The following PRKX variants were observed in gnomAD, a reference collection of about 807,000 sequenced individuals.
The protein encoded by PRKX is protein kinase cAMP-dependent X-linked catalytic subunit.
Under a neutral mutation model 22.0 loss-of-function variants are expected in PRKX, and 12 were observed. The ratio of observed to expected loss-of-function variants is 0.54; its 90% CI spans 0.35 to 0.88. The LOEUF (loss-of-function observed/expected upper bound fraction) is 0.88. Among genes scored for constraint, PRKX ranks in the 40% least tolerant of loss-of-function variants. The pLI is 0.01. For missense variants in PRKX, 217 were observed against 308.0 expected (o/e 0.70, Z 2.21); for synonymous variants, 134 against 137.7 (o/e 0.97, Z 0.19).
intron 6 of PRKX, among the ~76,000 whole-genome samples, chrX:3,620,967 A>G (rs1020944925): frequency 9.0e-6 from 1 of 111,592 alleles, no homozygotes; most frequent in Non-Finnish European, 1.9e-5. Context: ...AAACAAAATA[A>G]TGAGTAATAA....
chrX:3,660,821 C>T (rs1927579272), intron 2 of PRKX, among the ~76,000 whole-genome samples: 1 of 110,608 alleles, frequency 9.0e-6, no homozygotes, highest in Non-Finnish European at 1.9e-5. Context: ...CAATTTCAAC[C>T]ATGGGTAGGA....
chrX:3,658,998 C>T (rs1486214924), intron 2 of PRKX, among the ~76,000 whole-genome samples: 1 of 111,456 alleles, frequency 9.0e-6, no homozygotes, highest in Non-Finnish European at 1.9e-5. Context: ...GGCACGGCGG[C>T]TCAATGCCTG....
At chrX:3,631,771 AC>A (rs769971993) in intron 4 of PRKX, among the ~76,000 whole-genome samples, 1 of 111,921 alleles carries the variant, frequency 8.9e-6, no homozygotes, top group East Asian at 2.8e-4. Flanking sequence ...TGATGTGGCC[AC>A]AAGCCCAGGG....
Position 3,674,591 on chromosome X carries a change from G to C in PRKX, c.335+7C>G, listed in dbSNP as rs749366127. 3 of 1,208,368 alleles carry C rather than the reference G, an allele frequency of 2.5e-6. No homozygotes were observed. Among genetic ancestry groups the C allele is most frequent in the Admixed American group, 2.2e-5 (1 of 45,624 alleles). On this transcript the variant is annotated splice_region_variant and intron_variant, in intron 2 of 8. Transcript: ENST00000262848. Reference sequence around the variant, plus strand: ...TGCGTGGGGAGAGGCTTCAGGAGGGGACTCACAGCCTGATGAGGAACGGGT... The same window carrying C: ...TGCGTGGGGAGAGGCTTCAGGAGGGCACTCACAGCCTGATGAGGAACGGGT...
chrX:3,693,765 G>A (rs891530126), intron 1 of PRKX, among the ~76,000 whole-genome samples: 4 of 108,031 alleles, frequency 3.7e-5, no homozygotes, highest in Non-Finnish European at 5.7e-5. Flanking sequence ...GTGAAACCGC[G>A]TCTCTACTAA....
intron 1 of PRKX, among the ~76,000 whole-genome samples, chrX:3,685,525 A>G (rs1928160612): frequency 9.0e-6 from 1 of 111,413 alleles, no homozygotes; most frequent in African/African-American, 3.3e-5. Context: ...CAGAAAGCAC[A>G]TCACACAGAA....
chrX:3,689,789 A>AAC (rs1183592517), intron 1 of PRKX, among the ~76,000 whole-genome samples: 2 of 111,711 alleles, frequency 1.8e-5, no homozygotes, highest in Non-Finnish European at 3.8e-5. Flanking sequence ...CATCCTGGCT[A>AAC]ACACGGTGAA....
At chrX:3,686,891 C>A (rs978325432) in intron 1 of PRKX, among the ~76,000 whole-genome samples, 3 of 112,192 alleles carry the variant, frequency 2.7e-5, no homozygotes, top group African/African-American at 9.7e-5. Context: ...ATACGCACAA[C>A]ATAAAATTTA....
chrX:3,648,978 C>T lies in PRKX; in HGVS notation c.599+6171G>A, dbSNP rs151072468. ...GCAGAGAAATAAAAAACACCAAAAA[C>T]AAACAAAAAAGAGCTGTTGCAGAGA... On this transcript the variant is annotated intron_variant, in intron 3 of 8. Transcript: ENST00000262848. 8.2e-3 allele frequency among the ~76,000 whole-genome samples: 912 copies of T among 110,741 alleles called. 12 individuals carry two copies. Among genetic ancestry groups the T allele is most frequent in the African/African-American group, 0.029 (865 of 30,289 alleles).
intron 4 of PRKX, among the ~76,000 whole-genome samples, chrX:3,638,093 TATTAC>T (rs1159529581): frequency 1.8e-5 from 2 of 111,662 alleles, no homozygotes; most frequent in African/African-American, 3.2e-5. Flanking sequence ...CCTAATGATT[TATTAC>T]ATTACAATTA....
intron 4 of PRKX, among the ~76,000 whole-genome samples, chrX:3,627,998 T>G (rs1926696647): frequency 9.0e-6 from 1 of 111,329 alleles, no homozygotes; most frequent in Admixed American, 9.6e-5. Flanking sequence ...AGCGTAGATG[T>G]CCATCAACAG....
chrX:3,639,601 T>A (rs1165997915), intron 4 of PRKX, among the ~76,000 whole-genome samples: 1 of 104,682 alleles, frequency 9.6e-6, no homozygotes, highest in African/African-American at 3.5e-5. Context: ...GAAAAGTATA[T>A]AAACATAGAT....
At chrX:3,651,564 T>C (rs1293381361) in intron 3 of PRKX, among the ~76,000 whole-genome samples, 1 of 111,624 alleles carries the variant, frequency 9.0e-6, no homozygotes, top group East Asian at 2.8e-4. Flanking sequence ...GTACAAGAAA[T>C]ACTATAGGGG....
rs772447832 is a variant in PRKX at position 3,653,604 on chromosome X, T to C, written c.599+1545A>G. ...TAGGTATACTATATATATTATATAC[T>C]ATGTAATATATATATTATATATAAT... is the stretch of plus-strand genomic sequence containing the variant. On this transcript the variant is annotated intron_variant, in intron 3 of 8. Coordinates refer to ENST00000262848, the MANE Select transcript of PRKX (RefSeq NM_005044.5). Among the ~76,000 whole-genome samples the C allele has an allele frequency of 4.8e-4, 38 of 78,978 alleles. No individual in the cohort carries two copies. In the East Asian group the frequency reaches 0.014, roughly 29 times the overall value. 68.6% of individuals were successfully genotyped at this position (78,978 alleles called of 115,157 possible).
rs772884543 is a variant in PRKX, at chrX:3,651,332, G to C, written c.599+3817C>G. ...GATGAATTAACTGGACAGTAACATG[G>C]TTTGTCAAACTTATAAACAAGTGAA... On this transcript the variant is annotated intron_variant, in intron 3 of 8. Coordinates refer to ENST00000262848, the MANE Select transcript of PRKX (RefSeq NM_005044.5). 1.4e-3 allele frequency among the ~76,000 whole-genome samples: 156 copies of C among 112,135 alleles called. 1 individual carries two copies. Among genetic ancestry groups the C allele is most frequent in the Admixed American group, 2.3e-3 (24 of 10,496 alleles).
intron 1 of PRKX, among the ~76,000 whole-genome samples, chrX:3,698,110 C>G (rs1490614931): frequency 2.7e-5 from 3 of 111,854 alleles, no homozygotes; most frequent in Non-Finnish European, 5.6e-5. Context: ...CGCTTAGTTT[C>G]ATCTGAACAT....
intron 4 of PRKX, among the ~76,000 whole-genome samples, chrX:3,638,778 T>A (rs887602030): frequency 2.7e-5 from 3 of 109,269 alleles, no homozygotes; most frequent in African/African-American, 6.7e-5. Flanking sequence ...AGCAGATAGA[T>A]GAATAGGTAG....
chrX:3,712,242 C>G (rs1054473886), intron 1 of PRKX, among the ~76,000 whole-genome samples: 1 of 111,349 alleles, frequency 9.0e-6, no homozygotes, highest in African/African-American at 3.3e-5. Flanking sequence ...TCTTGACAGC[C>G]AACACCCCAC....
At chrX:3,648,606 C>G (rs73438454) in intron 3 of PRKX, among the ~76,000 whole-genome samples, 6,710 of 72,238 alleles carry the variant, frequency 0.093, 219 homozygotes, top group Middle Eastern at 0.11. Context: ...CTCTCTACTC[C>G]TGTGTGTGTG....
Sources: gnomAD v4.1 joint callset for allele counts (sites outside exome capture counted in the v4.1 genomes callset) on GRCh38, gnomAD v4.1.1 for gene constraint, MANE v1.5 for transcripts, NCBI Gene and HGNC (gene_info 2026-07-23, HGNC 2026-07-21) for gene names.